Variants in XPNPEP2 observed in about 807,000 individuals in gnomAD.
XPNPEP2 encodes xaa-Pro aminopeptidase 2.
A neutral mutation model predicts 59.8 loss-of-function variants in XPNPEP2; 64 were observed. The ratio of observed to expected loss-of-function variants is 1.07; its 90% CI spans 0.87 to 1.32. XPNPEP2 has a LOEUF of 1.32. XPNPEP2 is among the 40% of genes most tolerant of loss of function. The pLI, the probability that XPNPEP2 is intolerant of heterozygous loss-of-function variation, is 0.00. For synonymous variants in XPNPEP2, 235 were observed against 210.0 expected (o/e 1.12, Z -1.03); for missense variants, 575 against 546.8 (o/e 1.05, Z -0.51).
At chrX:129,755,414 C>G in intron 13 of XPNPEP2, 43 bp downstream of exon 13, 1 of 1,150,874 alleles carries the variant, frequency 8.7e-7, no homozygotes, top group Non-Finnish European at 1.2e-6. Flanking sequence ...GTTGGGGCAT[C>G]CTGTTGTGTG....
chrX:129,739,348 G>A (rs751506128), intron 1 of XPNPEP2, 86 bp downstream of exon 1: 5 of 1,003,319 alleles, frequency 5.0e-6, no homozygotes, highest in East Asian at 3.1e-5. Flanking sequence ...GTTGGGGCCC[G>A]AGTCTCTTTT....
intron 19 of XPNPEP2, among the ~76,000 whole-genome samples, chrX:129,764,285 G>A (rs1156345759): frequency 9.2e-6 from 1 of 109,220 alleles, no homozygotes; most frequent in East Asian, 2.9e-4. Flanking sequence ...ATAGGGCAAA[G>A]GACATGAAAA....
intron 11 of XPNPEP2, among the ~76,000 whole-genome samples, chrX:129,753,631 T>A (rs1315416194): frequency 1.8e-5 from 2 of 108,884 alleles, no homozygotes; most frequent in Non-Finnish European, 3.8e-5. Context: ...CGAGACTAGG[T>A]CAAAAAAAAA....
intron 14 of XPNPEP2, among the ~76,000 whole-genome samples, chrX:129,757,428 G>T (rs1424233368): frequency 9.1e-6 from 1 of 109,968 alleles, no homozygotes; most frequent in Non-Finnish European, 1.9e-5. Flanking sequence ...GTGGAGGTGG[G>T]GGCAGATGAG....
rs762709547 is a variant in XPNPEP2, at chrX:129,768,445, T to G, written c.1985T>G (p.Leu662Ter). 1.2e-5 allele frequency: 14 copies of G among 1,197,154 alleles called. No individual in the cohort carries two copies. The highest frequency in any genetic ancestry group is 9.2e-5 in the Admixed American group (4 of 43,702). Residue 662 changes from leucine to a stop codon, truncating the protein, a stop_gained, in exon 21 of 21, where the codon TTA (leucine) becomes TGA (stop). Coordinates refer to ENST00000371106, the MANE Select transcript of XPNPEP2 (RefSeq NM_003399.6). LOFTEE classifies it high-confidence loss of function. ...GACACCGCCTCCTGGGCCTCTGTGT[T>G]AGTGGTCTCCACCCTTGCCATCCTT... is the stretch of plus-strand genomic sequence containing the variant. ...APDTASWASVLVVSTLAILGW... is the reference protein window; with the variant it reads ...APDTASWASV
chrX:129,757,885 GAGAGAGAGAGAAAGAA>G lies in XPNPEP2; in HGVS notation c.1368-1291_1368-1276del, dbSNP rs1463960031. On this transcript the variant is annotated intron_variant, in intron 14 of 20. Coordinates refer to ENST00000371106, the MANE Select transcript of XPNPEP2 (RefSeq NM_003399.6). ...AGGGAGAGAGAGAAAGAGAGAGAGAGAGAGAGAGAGAAAGAAAGAAAGAAAGAAAGAAAGAAAGAAA... is the reference window on the plus strand; with the variant it reads ...AGGGAGAGAGAGAAAGAGAGAGAGAGAGAAAGAAAGAAAGAAAGAAAGAAA... 2.7e-4 allele frequency among the ~76,000 whole-genome samples: 22 copies of G among 81,956 alleles called. 1 individual carries two copies. The highest frequency in any genetic ancestry group is 1.2e-3 in the African/African-American group (21 of 18,170). The allele number at this position is 81,956 out of a possible 115,157, so 71.2% of individuals were successfully genotyped here. A position where few individuals can be genotyped will look rare whatever the true frequency, so the allele number is the denominator to read the frequency against.
chrX:129,739,001 A>G lies in XPNPEP2; in HGVS notation c.-213A>G, dbSNP rs764046848. 1.1e-3 allele frequency: 479 copies of G among 436,758 alleles called. No individual in the cohort carries two copies. The highest frequency in any genetic ancestry group is 8.9e-3 in the Middle Eastern group (14 of 1,573). 36.0% of individuals were successfully genotyped at this position (436,758 alleles called of 1,213,427 possible). A position where few individuals can be genotyped will look rare whatever the true frequency, so the allele number is the denominator to read the frequency against. ...TGCACAGTCCGCCTCGGGCAGCCCA[A>G]AGCTCCTCTGCCCACCCTGGCTCCC... is the stretch of plus-strand genomic sequence containing the variant. On this transcript the variant is annotated 5_prime_UTR_variant, in exon 1 of 21. Coordinates refer to ENST00000371106, the MANE Select transcript of XPNPEP2 (RefSeq NM_003399.6).
At chrX:129,757,023 T>TATATATATATACAC (rs1491537516) in intron 14 of XPNPEP2, among the ~76,000 whole-genome samples, 2 of 77,736 alleles carry the variant, frequency 2.6e-5, no homozygotes, top group East Asian at 5.5e-4. Flanking sequence ...TATATATATA[T>TATATATATATACAC]ACACACACAC....
chrX:129,752,468 C>A, intron 10 of XPNPEP2, 123 bp downstream of exon 10: 1 of 724,066 alleles, frequency 1.4e-6, no homozygotes, highest in Non-Finnish European at 2.0e-6. Flanking sequence ...AACAACTGTG[C>A]AGTGAGTTCC....
intron 15 of XPNPEP2, 131 bp from the exon 16 acceptor site, chrX:129,760,381 T>A (rs1213852994): frequency 6.4e-5 from 42 of 658,422 alleles, no homozygotes; most frequent in Non-Finnish European, 9.1e-5. Flanking sequence ...CACATAACGA[T>A]GAGACTCCCC....
intron 18 of XPNPEP2, 92 bp from the exon 19 acceptor site, chrX:129,762,602 C>A: frequency 1.2e-6 from 1 of 810,328 alleles, no homozygotes; most frequent in Non-Finnish European, 1.9e-6. Context: ...AGCCAGACAG[C>A]CAGTCCCTCC....
chrX:129,745,230 A>G lies in XPNPEP2; in HGVS notation c.262A>G (p.Arg88Gly), dbSNP rs770791138. The G allele has an allele frequency of 1.1e-5, 13 of 1,209,620 alleles. No homozygotes were observed. Among genetic ancestry groups the G allele is most frequent in the African/African-American group, 1.8e-5 (1 of 56,927 alleles). ...CGAGTACATCGGCCAACATGACGAG[A>G]GGCGTGCGTGGATTACAGGCTTTAC... Reference protein sequence around the residue: ...MNEYIGQHDERRAWITGFTGS... With the variant: ...MNEYIGQHDEGRAWITGFTGS... Residue 88 changes from arginine (R) to glycine (G), a missense_variant, in exon 4 of 21, where the codon AGG (arginine) becomes GGG (glycine). Arg to Gly is a moderately radical substitution (Grantham distance 125). Transcript: ENST00000371106.
chrX:129,762,461 C>T lies in XPNPEP2; in HGVS notation c.1664-233C>T, dbSNP rs146766065. Among the ~76,000 whole-genome samples, 7 of 111,820 alleles carry T rather than the reference C, an allele frequency of 6.3e-5. No individual in the cohort carries two copies. In the East Asian group the frequency reaches 2.0e-3, roughly 31 times the overall value. On this transcript the variant is annotated intron_variant, in intron 18 of 20. Transcript: ENST00000371106. ...GGGTTTTTAGGGCTTCCCTGCTGGG[C>T]TACAGGGAAGAGAGAGTGAGTCAGA... is the stretch of plus-strand genomic sequence containing the variant.
At chrX:129,762,632 C>A in intron 18 of XPNPEP2, 62 bp from the exon 19 acceptor site, 1 of 1,074,978 alleles carries the variant, frequency 9.3e-7, no homozygotes, top group Non-Finnish European at 1.3e-6. Flanking sequence ...TCAGTAGGTA[C>A]AGGAAGCCTG....
At chrX:129,765,641 T>C (rs1195459164) in intron 19 of XPNPEP2, among the ~76,000 whole-genome samples, 2 of 95,204 alleles carry the variant, frequency 2.1e-5, no homozygotes, top group African/African-American at 3.9e-5. Context: ...CTTTCTTTTT[T>C]TTTTTTTTTT....
In XPNPEP2 at chrX:129,754,481, G is replaced by A. The variant is rs765626710; in HGVS notation, c.1117G>A (p.Ala373Thr). Residue 373 changes from alanine to threonine, a missense_variant, in exon 12 of 21, where the codon GCT becomes ACT. Ala to Thr is a moderately conservative substitution (Grantham distance 58). Coordinates refer to ENST00000371106, the MANE Select transcript of XPNPEP2 (RefSeq NM_003399.6). Reference sequence around the variant, plus strand: ...GCTTCCCCAACTCCAGGTGCGGGACGCTGTGGCTGTGATCCGGTACTTGGT... The same window carrying A: ...GCTTCCCCAACTCCAGGTGCGGGACACTGTGGCTGTGATCCGGTACTTGGT... ...ALLKASHVRD[A>T]VAVIRYLVWL... The A allele has an allele frequency of 9.3e-6, 11 of 1,181,849 alleles. No homozygotes were observed. Among genetic ancestry groups the A allele is most frequent in the Non-Finnish European group, 1.2e-5 (11 of 882,180 alleles).
intron 2 of XPNPEP2, 42 bp from the exon 3 acceptor site, chrX:129,743,919 A>G: frequency 8.8e-7 from 1 of 1,132,433 alleles, no homozygotes; most frequent in Non-Finnish European, 1.2e-6. Context: ...CAACGTGTGT[A>G]TCTGTTTGTT....
intron 13 of XPNPEP2, 89 bp downstream of exon 13, chrX:129,755,460 G>C (rs1346228950): frequency 1.1e-6 from 1 of 940,275 alleles, no homozygotes; most frequent in Non-Finnish European, 1.5e-6. Flanking sequence ...GGGATGTTCT[G>C]GGACCTGAGT....
At position 129,757,893 on chromosome X, in the gene XPNPEP2, G is replaced by A. The variant is rs531254365; in HGVS notation, c.1368-1287G>A. On this transcript the variant is annotated intron_variant, in intron 14 of 20. Coordinates refer to ENST00000371106, the MANE Select transcript of XPNPEP2 (RefSeq NM_003399.6). The stretch of plus-strand genomic sequence containing the variant: ...AGAGAAAGAGAGAGAGAGAGAGAGA[G>A]AGAAAGAAAGAAAGAAAGAAAGAAA... Among the ~76,000 whole-genome samples the A allele has an allele frequency of 2.3e-3, 118 of 51,749 alleles. 3 individuals carry two copies. The highest frequency in any genetic ancestry group is 6.6e-3 in the Admixed American group (29 of 4,361). 44.9% of individuals were successfully genotyped at this position (51,749 alleles called of 115,157 possible).
Sources: allele counts gnomAD v4.1 joint callset (sites outside exome capture counted in the v4.1 genomes callset), GRCh38; gene constraint gnomAD v4.1.1; transcripts MANE v1.5; gene names NCBI Gene and HGNC (gene_info 2026-07-23, HGNC 2026-07-21).